The following GJC1 variants were observed in gnomAD, a reference collection of about 807,000 sequenced individuals.
GJC1 encodes the protein gap junction gamma-1 protein.
A neutral mutation model predicts 29.3 loss-of-function variants in GJC1; 5 were observed. The ratio of observed to expected loss-of-function variants is 0.17; its 90% CI spans 0.09 to 0.36. The LOEUF (loss-of-function observed/expected upper bound fraction) is 0.36. Among genes scored for constraint, GJC1 ranks in the 10% least tolerant of loss-of-function variants. The pLI, the probability that GJC1 is intolerant of heterozygous loss-of-function variation, is 1.00. For missense variants in GJC1, 310 were observed against 496.2 expected (o/e 0.62, Z 3.56); for synonymous variants, 177 against 183.3 (o/e 0.97, Z 0.28).
chr17:44,804,141 G>A lies in GJC1; in HGVS notation c.*486C>T, dbSNP rs1350481105. ...TGCAATATGAGAGGCACTTTTATTA[G>A]GTGTAGCATCTATTAAAAACTCTAA... On this transcript the variant is annotated 3_prime_UTR_variant, in exon 3 of 3. Coordinates refer to ENST00000592524, the MANE Select transcript of GJC1 (RefSeq NM_005497.4). 2 of 152,500 alleles carry A rather than the reference G, an allele frequency of 1.3e-5. No individual in the cohort carries two copies. The highest frequency in any genetic ancestry group is 4.8e-5 in the African/African-American group (2 of 41,384). The allele number at this position is 152,500 out of a possible 1,614,324, so 9.4% of individuals were successfully genotyped here.
At chr17:44,814,133 C>T (rs1185056777) in intron 1 of GJC1, among the ~76,000 whole-genome samples, 2 of 151,980 alleles carry the variant, frequency 1.3e-5, no homozygotes, top group Non-Finnish European at 2.9e-5. Context: ...AGTTTCCTTT[C>T]CCCTGAACCA....
At position 44,800,009 on chromosome 17, in the gene GJC1, C is replaced by A. The variant is rs1310485347; in HGVS notation, c.*4618G>T. 6.6e-6 allele frequency: 1 copy of A among 152,202 alleles called. No individual in the cohort carries two copies. Among genetic ancestry groups the A allele is most frequent in the Non-Finnish European group, 1.5e-5 (1 of 68,038 alleles). 9.4% of individuals were successfully genotyped at this position (152,202 alleles called of 1,614,324 possible). On this transcript the variant is annotated 3_prime_UTR_variant, in exon 3 of 3. Coordinates refer to ENST00000592524, the MANE Select transcript of GJC1 (RefSeq NM_005497.4). ...TGTGGCCGGAATGAGTACAAGTATG[C>A]AATTCAATGATTCCAACATTTGATG...
intron 1 of GJC1, among the ~76,000 whole-genome samples, chr17:44,816,112 C>CAAAAAAA (rs34938283): frequency 4.2e-5 from 2 of 47,432 alleles, no homozygotes; most frequent in East Asian, 9.0e-4. Flanking sequence ...CACTCCGTCT[C>CAAAAAAA]AAAAAAAAAA....
chr17:44,824,937 G>A (rs1324358814), intron 1 of GJC1, among the ~76,000 whole-genome samples: 1 of 149,612 alleles, frequency 6.7e-6, no homozygotes, highest in Non-Finnish European at 1.5e-5. Context: ...AAAAACGTTG[G>A]GATCCAGGTG....
rs2145343619 is a variant in GJC1 at position 44,817,247 on chromosome 17, T to G, written c.-96-9778A>C. On this transcript the variant is annotated intron_variant, in intron 1 of 2. Transcript: ENST00000592524. ...AAAACAAATAACTTTATTATTTGCCTAAAATCATCTACTTATTAAGTAGTG... is the reference window on the plus strand; with the variant it reads ...AAAACAAATAACTTTATTATTTGCCGAAAATCATCTACTTATTAAGTAGTG... Among the ~76,000 whole-genome samples, 3 of 152,206 alleles carry G rather than the reference T, an allele frequency of 2.0e-5. No individual in the cohort carries two copies. In the Middle Eastern group the frequency reaches 0.01, roughly 518 times the overall value.
intron 1 of GJC1, chr17:44,807,869 C>T (rs994989878): frequency 2.0e-5 from 3 of 152,184 alleles, no homozygotes; most frequent in Non-Finnish European, 2.9e-5. Context: ...AGCCGATACA[C>T]CTCTCAGGGG....
chr17:44,808,409 A>G (rs575977227), intron 1 of GJC1, among the ~76,000 whole-genome samples: 1 of 147,794 alleles, frequency 6.8e-6, no homozygotes, highest in East Asian at 2.0e-4. Context: ...CCTGGTAGAT[A>G]GAACAACACC....
intron 1 of GJC1, among the ~76,000 whole-genome samples, chr17:44,823,390 T>G (rs2050135027): frequency 6.6e-6 from 1 of 151,744 alleles, no homozygotes; most frequent in African/African-American, 2.4e-5. Flanking sequence ...TAGCTGGGAC[T>G]ACAGGTGTGT....
Position 44,799,615 on chromosome 17 carries a change from C to T in GJC1, c.*5012G>A, listed in dbSNP as rs895705568. 1.3e-5 allele frequency: 2 copies of T among 152,016 alleles called. No homozygotes were observed. The highest frequency in any genetic ancestry group is 1.5e-5 in the Non-Finnish European group (1 of 68,000). The allele number at this position is 152,016 out of a possible 1,614,324, so 9.4% of individuals were successfully genotyped here. ...ATTAATAACACATGAACCAAACCCACTTAATATCATTATTAAAAACAGGCT... is the reference window on the plus strand; with the variant it reads ...ATTAATAACACATGAACCAAACCCATTTAATATCATTATTAAAAACAGGCT... On this transcript the variant is annotated 3_prime_UTR_variant, in exon 3 of 3. Transcript: ENST00000592524.
At chr17:44,820,813 G>C (rs77977995) in intron 1 of GJC1, among the ~76,000 whole-genome samples, 1 of 152,236 alleles carries the variant, frequency 6.6e-6, no homozygotes, top group African/African-American at 2.4e-5. Flanking sequence ...TAACTGGAAC[G>C]TTTTAAGTGG....
intron 1 of GJC1, among the ~76,000 whole-genome samples, chr17:44,819,543 A>G (rs1011274062): frequency 3.3e-5 from 5 of 151,964 alleles, no homozygotes; most frequent in African/African-American, 4.8e-5. Flanking sequence ...CTGTAGTCCC[A>G]GCTACTCAGG....
intron 1 of GJC1, among the ~76,000 whole-genome samples, chr17:44,822,071 C>T (rs565555894): frequency 6.6e-6 from 1 of 151,582 alleles, no homozygotes; most frequent in East Asian, 2.0e-4. Flanking sequence ...GTGGCGGGCG[C>T]CTGTAGTCCC....
intron 1 of GJC1, among the ~76,000 whole-genome samples, chr17:44,811,995 T>TAA (rs111996895): frequency 7.1e-5 from 9 of 126,494 alleles, no homozygotes; most frequent in African/African-American, 1.5e-4. Context: ...AACAAAACTC[T>TAA]AAAAAAAAAA....
At chr17:44,798,220 T>A (rs2145276871), downstream of GJC1, among the ~76,000 whole-genome samples, 1 of 152,324 alleles carries the variant, frequency 6.6e-6, no homozygotes, top group African/African-American at 2.4e-5. Context: ...AAGGCATCTT[T>A]TAAGCCCAAA....
chr17:44,816,067 C>T (rs999053428), intron 1 of GJC1, among the ~76,000 whole-genome samples: 35 of 128,410 alleles, frequency 2.7e-4, no homozygotes, highest in African/African-American at 9.0e-4. Flanking sequence ...GAGCCGAGAT[C>T]GTGCCACTGC....
intron 1 of GJC1, among the ~76,000 whole-genome samples, chr17:44,822,858 G>C (rs1360859164): frequency 2.0e-5 from 3 of 152,162 alleles, no homozygotes; most frequent in Middle Eastern, 3.4e-3. Context: ...AGATAAAAAT[G>C]TGGCAGTATT....
In GJC1 at chr17:44,800,488, A is replaced by G. The variant is rs947659116; in HGVS notation, c.*4139T>C. On this transcript the variant is annotated 3_prime_UTR_variant, in exon 3 of 3. Coordinates refer to ENST00000592524, the MANE Select transcript of GJC1 (RefSeq NM_005497.4). ...TTGAAGGAAACTGTGCATGTCTAAC[A>G]TACTTGCCTTTTACAGAAAGCTGGC... The G allele has an allele frequency of 1.3e-5, 2 of 152,218 alleles. No individual in the cohort carries two copies. The highest frequency in any genetic ancestry group is 4.1e-4 in the South Asian group (2 of 4,834). The allele number at this position is 152,218 out of a possible 1,614,324, so 9.4% of individuals were successfully genotyped here.
At chr17:44,823,253 T>TA (rs2050132889) in intron 1 of GJC1, among the ~76,000 whole-genome samples, 1 of 147,678 alleles carries the variant, frequency 6.8e-6, no homozygotes, top group Non-Finnish European at 1.5e-5. Flanking sequence ...TTCCTGTTTT[T>TA]TTTTTTTTTT....
rs1182461377 is a variant in GJC1, at chr17:44,803,509, A to G, written c.*1118T>C. 1 of 152,238 alleles carries G rather than the reference A, an allele frequency of 6.6e-6. No homozygotes were observed. The highest frequency in any genetic ancestry group is 1.5e-5 in the Non-Finnish European group (1 of 68,044). 9.4% of individuals were successfully genotyped at this position (152,238 alleles called of 1,614,324 possible). ...GCATAAACCTCCACTGGCAGAAGTA[A>G]GAATTTAATCACAAAACTTCTATGG... On this transcript the variant is annotated 3_prime_UTR_variant, in exon 3 of 3. Transcript: ENST00000592524.
Sources: allele counts gnomAD v4.1 joint callset (sites outside exome capture counted in the v4.1 genomes callset), GRCh38; gene constraint gnomAD v4.1.1; transcripts MANE v1.5; gene names NCBI Gene and HGNC (gene_info 2026-07-23, HGNC 2026-07-21).